The following MASP1 variants were observed in gnomAD, a reference collection of about 807,000 sequenced individuals.
MASP1 encodes MBL associated serine protease 1, also known as mannan-binding lectin serine protease 1.
In MASP1, 59 loss-of-function variants were observed where a neutral mutation model predicts 77.1. That is an observed-to-expected ratio of 0.77 (90% confidence interval 0.62 to 0.95). MASP1 has a LOEUF of 0.95. Ranked by LOEUF, MASP1 falls within the 40% of genes least tolerant of loss-of-function variation. The pLI is 0.00. For synonymous variants in MASP1, 362 were observed against 354.5 expected (o/e 1.02, Z -0.24); for missense variants, 885 against 912.9 (o/e 0.97, Z 0.39).
chr3:187,219,640 C>T (rs966452860), exon 16 of MASP1: 4 of 237,536 alleles, frequency 1.7e-5, no homozygotes, highest in East Asian at 1.0e-4. Context: ...AAGAGAGCTT[C>T]GTCTGCCTGG....
intron 2 of MASP1, among the ~76,000 whole-genome samples, chr3:187,284,301 G>T (rs750629048): frequency 3.9e-5 from 6 of 152,136 alleles, no homozygotes; most frequent in Admixed American, 3.3e-4. Flanking sequence ...TATAGCAGTG[G>T]TTCTGGGACA....
At chr3:187,220,492 C>CTTTT (rs747532550) in intron 15 of MASP1, among the ~76,000 whole-genome samples, 21 of 134,564 alleles carry the variant, frequency 1.6e-4, no homozygotes, top group East Asian at 2.3e-4. Context: ...TTTCTTTTTT[C>CTTTT]TTTCTTTTTT....
Position 187,247,387 on chromosome 3 carries a change from T to C in MASP1, c.1090+2864A>G, listed in dbSNP as rs368826549. The C allele has an allele frequency of 3.7e-6, 6 of 1,613,948 alleles. No individual in the cohort carries two copies. The African/African-American group carries it at 8.0e-5, about 22-fold the overall frequency. Reference sequence around the variant, plus strand: ...CGCTCTCCAGATCGATTTCATTTTCTGCCACCATGGTGAAGATCAAAGAGG... The same window carrying C: ...CGCTCTCCAGATCGATTTCATTTTCCGCCACCATGGTGAAGATCAAAGAGG... On this transcript the variant is annotated intron_variant, in intron 8 of 10. Coordinates refer to ENST00000296280, the MANE Select transcript of MASP1 (RefSeq NM_139125.4).
intron 8 of MASP1, 60 bp from the exon 9 acceptor site, chr3:187,243,681 G>A (rs1393906432): frequency 1.3e-6 from 2 of 1,597,318 alleles, no homozygotes. Context: ...TTGGCTATCT[G>A]ATGGATCTAT....
At chr3:187,241,385 C>T in intron 10 of MASP1, 96 bp downstream of exon 10, 1 of 945,588 alleles carries the variant, frequency 1.1e-6, no homozygotes, top group Non-Finnish European at 1.7e-6. Context: ...GCATCACCTC[C>T]CCTGTCCCCC....
In MASP1 at chr3:187,234,562, A is replaced by G; in HGVS notation, c.*1122T>C. 7.8e-7 allele frequency: 1 copy of G among 1,287,236 alleles called. No homozygotes were observed. The highest frequency in any genetic ancestry group is 1.0e-6 in the Non-Finnish European group (1 of 988,690). 79.7% of individuals were successfully genotyped at this position (1,287,236 alleles called of 1,614,324 possible). ...CTCCTGGCTCTTTTCACTGCCTGCCATGGGTGAGCCTCTGATTCCTTTGAC... is the reference window on the plus strand; with the variant it reads ...CTCCTGGCTCTTTTCACTGCCTGCCGTGGGTGAGCCTCTGATTCCTTTGAC... On this transcript the variant is annotated 3_prime_UTR_variant, in exon 11 of 11. Transcript: ENST00000296280.
chr3:187,241,824 C>G, intron 9 of MASP1: 1 of 392,396 alleles, frequency 2.5e-6, no homozygotes, highest in Non-Finnish European at 4.8e-6. Context: ...CCATCCTAGT[C>G]CTTCTATCAA....
At chr3:187,247,025 C>G in intron 8 of MASP1, 2 of 1,295,862 alleles carry the variant, frequency 1.5e-6, no homozygotes, top group Non-Finnish European at 2.0e-6. Flanking sequence ...TCTCAAGGAC[C>G]AAGGGCATTT....
Position 187,235,853 on chromosome 3 carries a change from T to G in MASP1, c.2018A>C (p.Asp673Ala). The part of the protein sequence containing the change: ...DSGGAFVIFD[D>A]LSQRWVVQGL... ...TTGCACCACCCAGCGCTGGCTCAAG[T>G]CATCAAAGATGACAAAGGCCCCACC... The change falls in exon 11 of 11, where the codon GAC becomes GCC. Residue 673 changes from aspartate (D) to alanine (A), a missense_variant. By Grantham distance (126) the Asp-to-Ala change is moderately radical. Transcript: ENST00000296280. 6.2e-7 allele frequency: 1 copy of G among 1,614,082 alleles called. No homozygotes were observed. Among genetic ancestry groups the G allele is most frequent in the Non-Finnish European group, 8.5e-7 (1 of 1,180,004 alleles).
intron 12 of MASP1, chr3:187,226,237 G>A (rs1712418102): frequency 3.1e-6 from 2 of 650,810 alleles, no homozygotes; most frequent in African/African-American, 3.6e-5. Context: ...CACGTGTCTG[G>A]AGAATCATAT....
Position 187,256,850 on chromosome 3 carries a change from A to G in MASP1, c.558T>C (p.Ser186=). Reference sequence around the variant, plus strand: ...CAGTCCTTTGAGTGAAGAGGTTGTCACTGCACTCCACTGTTGGAAACATAA... The same window carrying G: ...CAGTCCTTTGAGTGAAGAGGTTGTCGCTGCACTCCACTGTTGGAAACATAA... ...TDNRTCRVEC[S]DNLFTQRTGV... The change falls in exon 5 of 11, where the codon AGT becomes AGC. Residue 186 remains serine, a synonymous_variant. Coordinates refer to ENST00000296280, the MANE Select transcript of MASP1 (RefSeq NM_139125.4). 2 of 1,613,800 alleles carry G rather than the reference A, an allele frequency of 1.2e-6. No individual in the cohort carries two copies. The highest frequency in any genetic ancestry group is 1.7e-6 in the Non-Finnish European group (2 of 1,179,862).
chr3:187,289,614 G>T (rs1364378602), intron 1 of MASP1, among the ~76,000 whole-genome samples: 1 of 152,202 alleles, frequency 6.6e-6, no homozygotes, highest in Non-Finnish European at 1.5e-5. Context: ...GGAGGTTCTG[G>T]TTTAATTGCT....
At chr3:187,226,577 G>C in intron 11 of MASP1, 1 of 1,228,930 alleles carries the variant, frequency 8.1e-7, no homozygotes, top group Non-Finnish European at 1.2e-6. Flanking sequence ...GCCTCCCTCT[G>C]TCTTGAGCTG....
intron 2 of MASP1, among the ~76,000 whole-genome samples, chr3:187,270,362 G>A (rs1716419916): frequency 6.6e-6 from 1 of 152,154 alleles, no homozygotes; most frequent in African/African-American, 2.4e-5. Flanking sequence ...TCACCCTAGA[G>A]TTCCAATTGG....
chr3:187,220,675 T>C (rs1303870245), intron 15 of MASP1, among the ~76,000 whole-genome samples: 1 of 151,904 alleles, frequency 6.6e-6, no homozygotes, highest in African/African-American at 2.4e-5. Context: ...TTTTTGTATT[T>C]TTAGTAAAGA....
At chr3:187,279,754 AAATT>A (rs1717261630) in intron 2 of MASP1, among the ~76,000 whole-genome samples, 1 of 152,210 alleles carries the variant, frequency 6.6e-6, no homozygotes, top group Non-Finnish European at 1.5e-5. Context: ...CTGCACTGCC[AAATT>A]ATTATTTACC....
intron 10 of MASP1, among the ~76,000 whole-genome samples, chr3:187,240,600 A>C (rs1713554159): frequency 6.6e-6 from 1 of 152,164 alleles, no homozygotes; most frequent in Non-Finnish European, 1.5e-5. Context: ...GAATAGCTAT[A>C]CATGTGATTG....
At chr3:187,217,338 A>G (rs1307677904) in exon 16 of MASP1, 1 of 152,258 alleles carries the variant, frequency 6.6e-6, no homozygotes. Flanking sequence ...TACGAGCAAC[A>G]GCTTCTGTTG....
Position 187,234,210 on chromosome 3 carries a change from A to G in MASP1, c.*1474T>C, listed in dbSNP as rs955048599. The G allele has an allele frequency of 7.0e-6, 9 of 1,287,158 alleles. No individual in the cohort carries two copies. The highest frequency in any genetic ancestry group is 9.1e-6 in the Non-Finnish European group (9 of 988,706). 79.7% of individuals were successfully genotyped at this position (1,287,158 alleles called of 1,614,324 possible). On this transcript the variant is annotated 3_prime_UTR_variant, in exon 11 of 11. Transcript: ENST00000296280. ...AAATATAACATCATTTACATGTGCCATTCATAGACAAAGGAGTGTGTTTGA... is the reference window on the plus strand; with the variant it reads ...AAATATAACATCATTTACATGTGCCGTTCATAGACAAAGGAGTGTGTTTGA...
Sources: allele counts gnomAD v4.1 joint callset (sites outside exome capture counted in the v4.1 genomes callset), GRCh38; gene constraint gnomAD v4.1.1; transcripts MANE v1.5; gene names NCBI Gene and HGNC (gene_info 2026-07-23, HGNC 2026-07-21).